The following KCNB2 variants were observed in gnomAD, a reference collection of about 807,000 sequenced individuals.
KCNB2 encodes the protein delayed rectifier potassium channel protein.
In KCNB2, 15 loss-of-function variants were observed where a neutral mutation model predicts 61.5. The ratio of observed to expected loss-of-function variants is 0.24; its 90% confidence interval spans 0.16 to 0.38. The LOEUF (loss-of-function observed/expected upper bound fraction) is 0.38, where lower values mean the gene tolerates loss of function less well. KCNB2 is among the 10% of genes least tolerant of loss of function. The pLI is 1.00. For synonymous variants in KCNB2, 457 were observed against 446.0 expected (o/e 1.02, Z -0.31); for missense variants, 828 against 1,125.2 (o/e 0.74, Z 3.78).
intron 2 of KCNB2, among the ~76,000 whole-genome samples, chr8:72,740,519 G>A (rs1585864644): frequency 6.6e-6 from 1 of 152,260 alleles, no homozygotes; most frequent in African/African-American, 2.4e-5. Context: ...ATATGAATAG[G>A]CTTATAAAAC....
intron 2 of KCNB2, among the ~76,000 whole-genome samples, chr8:72,856,706 A>G (rs1810213761): frequency 6.6e-6 from 1 of 152,162 alleles, no homozygotes. Context: ...CCTCAGATTC[A>G]TTTGAGGTAG....
chr8:72,873,630 G>A (rs1043322708), intron 2 of KCNB2, among the ~76,000 whole-genome samples: 4 of 152,252 alleles, frequency 2.6e-5, no homozygotes, highest in Non-Finnish European at 5.9e-5. Flanking sequence ...CCATACTATA[G>A]TTGTTGAGAG....
intron 2 of KCNB2, among the ~76,000 whole-genome samples, chr8:72,639,632 G>C (rs1224437125): frequency 6.6e-6 from 1 of 152,052 alleles, no homozygotes; most frequent in Non-Finnish European, 1.5e-5. Context: ...AACTTCATCC[G>C]AGTTTGGCTT....
chr8:72,856,447 G>A (rs2129003681), intron 2 of KCNB2, among the ~76,000 whole-genome samples: 1 of 152,028 alleles, frequency 6.6e-6, no homozygotes, highest in Non-Finnish European at 1.5e-5. Context: ...CACAAAAAAA[G>A]AAAAAACCTG....
intron 2 of KCNB2, among the ~76,000 whole-genome samples, chr8:72,688,621 G>A (rs938540557): frequency 8.5e-5 from 13 of 152,086 alleles, no homozygotes; most frequent in Non-Finnish European, 1.5e-4. Context: ...GCCTAGCAAG[G>A]TACTTAATAA....
chr8:72,688,448 T>G (rs1806889774), intron 2 of KCNB2, among the ~76,000 whole-genome samples: 1 of 152,000 alleles, frequency 6.6e-6, no homozygotes, highest in Non-Finnish European at 1.5e-5. Context: ...CCTCCTTGGG[T>G]TGGCTGGGTT....
At chr8:72,755,284 A>G (rs1808269952) in intron 2 of KCNB2, among the ~76,000 whole-genome samples, 1 of 152,192 alleles carries the variant, frequency 6.6e-6, no homozygotes, top group Non-Finnish European at 1.5e-5. Flanking sequence ...TGCCACAGAA[A>G]AAGGACATTA....
chr8:72,691,010 A>G (rs191239331), intron 2 of KCNB2, among the ~76,000 whole-genome samples: 3 of 152,208 alleles, frequency 2.0e-5, no homozygotes, highest in South Asian at 2.1e-4. Flanking sequence ...TGCTGCATCA[A>G]TGGAGCCAAG....
intron 2 of KCNB2, among the ~76,000 whole-genome samples, chr8:72,862,588 A>G (rs1226680433): frequency 1.3e-5 from 2 of 152,216 alleles, no homozygotes; most frequent in Non-Finnish European, 2.9e-5. Flanking sequence ...CATTGGATTT[A>G]ACACTAAAAT....
intron 2 of KCNB2, among the ~76,000 whole-genome samples, chr8:72,712,206 G>A (rs1045908109): frequency 1.3e-5 from 2 of 152,144 alleles, no homozygotes; most frequent in African/African-American, 4.8e-5. Flanking sequence ...AAGGCAATGA[G>A]GTGATAGGAA....
chr8:72,812,095 C>T (rs1809316608), intron 2 of KCNB2, among the ~76,000 whole-genome samples: 1 of 152,028 alleles, frequency 6.6e-6, no homozygotes, highest in African/African-American at 2.4e-5. Flanking sequence ...AATCCCGTCT[C>T]TACTAAAAAT....
chr8:72,782,077 A>G (rs1363840358), intron 2 of KCNB2, among the ~76,000 whole-genome samples: 1 of 152,306 alleles, frequency 6.6e-6, no homozygotes, highest in African/African-American at 2.4e-5. Flanking sequence ...CTATGTAACA[A>G]ACATGCACAT....
At chr8:72,883,966 G>T (rs1267419872) in intron 2 of KCNB2, among the ~76,000 whole-genome samples, 1 of 152,166 alleles carries the variant, frequency 6.6e-6, no homozygotes, top group Non-Finnish European at 1.5e-5. Flanking sequence ...AATCACAATT[G>T]CAGCACTTTT....
intron 2 of KCNB2, among the ~76,000 whole-genome samples, chr8:72,777,003 C>G (rs767050986): frequency 2.4e-4 from 37 of 151,996 alleles, no homozygotes; most frequent in Non-Finnish European, 4.4e-4. Flanking sequence ...ATGGAATAGT[C>G]CCCCAGAAAA....
intron 2 of KCNB2, among the ~76,000 whole-genome samples, chr8:72,743,876 A>G (rs1808011841): frequency 6.6e-6 from 1 of 152,200 alleles, no homozygotes. Flanking sequence ...TAATTGCTCC[A>G]TAAGTCTTTT....
intron 2 of KCNB2, among the ~76,000 whole-genome samples, chr8:72,700,201 G>A (rs1237044016): frequency 6.6e-6 from 1 of 151,960 alleles, no homozygotes; most frequent in African/African-American, 2.4e-5. Context: ...GTTGGGGTTT[G>A]GGGGGCAAGG....
At chr8:72,909,143 CA>C (rs1355003414) in intron 2 of KCNB2, among the ~76,000 whole-genome samples, 1 of 152,084 alleles carries the variant, frequency 6.6e-6, no homozygotes, top group Non-Finnish European at 1.5e-5. Context: ...AAAACAACAG[CA>C]AATAATCCAG....
intron 2 of KCNB2, among the ~76,000 whole-genome samples, chr8:72,662,552 T>A (rs1806398857): frequency 1.3e-5 from 2 of 152,180 alleles, no homozygotes; most frequent in Admixed American, 1.3e-4. Context: ...AATGTCACAC[T>A]ATAACCCATT....
chr8:72,545,182 G>A (rs1190451269), intron 1 of KCNB2, among the ~76,000 whole-genome samples: 4 of 152,034 alleles, frequency 2.6e-5, no homozygotes, highest in Admixed American at 6.6e-5. Context: ...CTGAGTGCCC[G>A]CCACCATTTA....
Sources: allele counts gnomAD v4.1 joint callset (sites outside exome capture counted in the v4.1 genomes callset), GRCh38; gene constraint gnomAD v4.1.1; transcripts MANE v1.5; gene names NCBI Gene and HGNC (gene_info 2026-07-23, HGNC 2026-07-21).